The following CCDC148 variants were observed in gnomAD, a reference collection of about 807,000 sequenced individuals.
CCDC148 encodes coiled-coil domain-containing protein 148.
CCDC148 carries 89 observed loss-of-function variants against 85.7 expected under a neutral mutation model. The ratio of observed to expected loss-of-function variants is 1.04; its 90% CI spans 0.87 to 1.24. The LOEUF (loss-of-function observed/expected upper bound fraction) is 1.24. CCDC148 is among the 50% of genes most tolerant of loss of function. The probability of loss-of-function intolerance (pLI) is 0.00; values close to 1 mark genes in which losing one functional copy is unlikely to be tolerated. For missense variants in CCDC148, 692 were observed against 671.7 expected, an observed-to-expected ratio of 1.03 and a Z score of -0.33; for synonymous variants, 230 against 213.9, an observed-to-expected ratio of 1.08 and a Z score of -0.66.
At chr2:158,208,000 C>T (rs1686342749) in intron 11 of CCDC148, among the ~76,000 whole-genome samples, 4 of 151,512 alleles carry the variant, frequency 2.6e-5, no homozygotes, top group Non-Finnish European at 4.4e-5. Flanking sequence ...CTGTTCACTT[C>T]CTTCACCTCC....
At position 158,283,478 on chromosome 2, in the gene CCDC148, C is replaced by T. The variant is rs577825801; in HGVS notation, c.1110+25955G>A. Among the ~76,000 whole-genome samples, 15 of 152,346 alleles carry T rather than the reference C, an allele frequency of 9.8e-5. No homozygotes were observed. The East Asian group carries it at 2.9e-3, about 29-fold the overall frequency. ...AAAGTGGGCAAAGGATATGAATAGACACTTCTCAAAAGAAGACATTTATGC... is the reference window on the plus strand; with the variant it reads ...AAAGTGGGCAAAGGATATGAATAGATACTTCTCAAAAGAAGACATTTATGC... On this transcript the variant is annotated intron_variant, in intron 9 of 13. Transcript: ENST00000283233.
rs368501268 is a variant in CCDC148 at position 158,179,365 on chromosome 2, G to A, written c.1371-369C>T. ...GTAGAGACGGAGTTTCACCATGTTG[G>A]CCAGGATGGTCTCAATCTCCTGACC... On this transcript the variant is annotated intron_variant, in intron 11 of 13. Transcript: ENST00000283233. Among the ~76,000 whole-genome samples, 31 of 151,762 alleles carry A rather than the reference G, an allele frequency of 2.0e-4. 1 individual carries two copies. In the East Asian group the frequency reaches 2.9e-3, roughly 14 times the overall value.
chr2:158,282,528 A>G (rs1302065700), intron 9 of CCDC148, among the ~76,000 whole-genome samples: 1 of 152,218 alleles, frequency 6.6e-6, no homozygotes, highest in African/African-American at 2.4e-5. Context: ...CCCATTCACA[A>G]TTGCTTCAAA....
chr2:158,173,131 T>G (rs1259227013), intron 13 of CCDC148, among the ~76,000 whole-genome samples: 1 of 151,964 alleles, frequency 6.6e-6, no homozygotes, highest in Non-Finnish European at 1.5e-5. Context: ...GGTGGCGGCA[T>G]GCGGATGGTC....
intron 2 of CCDC148, among the ~76,000 whole-genome samples, chr2:158,347,106 G>A (rs1463902131): frequency 2.0e-5 from 3 of 152,030 alleles, no homozygotes; most frequent in Non-Finnish European, 2.9e-5. Context: ...ACACTTTAAC[G>A]TTCACTTTAA....
intron 1 of CCDC148, among the ~76,000 whole-genome samples, chr2:158,377,075 C>CG (rs1684681469): frequency 6.6e-6 from 1 of 151,904 alleles, no homozygotes; most frequent in African/African-American, 2.4e-5. Flanking sequence ...AAGGAGGGGA[C>CG]GATTCTCCAC....
At chr2:158,365,997 G>A (rs1426160976) in intron 1 of CCDC148, 1 of 1,488,220 alleles carries the variant, frequency 6.7e-7, no homozygotes, top group Non-Finnish European at 9.1e-7. Flanking sequence ...AAACAGAGTT[G>A]GAAGTAAGAA....
At chr2:158,279,771 G>A (rs1296702472) in intron 9 of CCDC148, among the ~76,000 whole-genome samples, 1 of 151,876 alleles carries the variant, frequency 6.6e-6, no homozygotes, top group Non-Finnish European at 1.5e-5. Flanking sequence ...AGGAAATACA[G>A]AGAACGCCAC....
At chr2:158,431,871 G>A (rs1186740530) in intron 1 of CCDC148, among the ~76,000 whole-genome samples, 1 of 151,944 alleles carries the variant, frequency 6.6e-6, no homozygotes. Context: ...CTGGGAGATG[G>A]AGGTTGCATG....
At chr2:158,282,908 A>G (rs1690401340) in intron 9 of CCDC148, among the ~76,000 whole-genome samples, 1 of 152,232 alleles carries the variant, frequency 6.6e-6, no homozygotes, top group South Asian at 2.1e-4. Flanking sequence ...CCAAAACAGC[A>G]TGGTACTTGT....
chr2:158,313,622 A>G, intron 8 of CCDC148, 134 bp downstream of exon 8: 1 of 948,006 alleles, frequency 1.1e-6, no homozygotes, highest in Non-Finnish European at 1.5e-6. Flanking sequence ...ACTATTATAT[A>G]ACCCTATTAT....
At chr2:158,304,684 G>T (rs1218366309) in intron 9 of CCDC148, among the ~76,000 whole-genome samples, 1 of 152,132 alleles carries the variant, frequency 6.6e-6, no homozygotes, top group Non-Finnish European at 1.5e-5. Flanking sequence ...TGTTCTCACC[G>T]TAACCAGAAG....
chr2:158,371,691 C>T (rs868114602), intron 1 of CCDC148, among the ~76,000 whole-genome samples: 6 of 149,818 alleles, frequency 4.0e-5, no homozygotes, highest in Non-Finnish European at 7.4e-5. Context: ...TATATACACA[C>T]GTGCCTTTAA....
intron 11 of CCDC148, among the ~76,000 whole-genome samples, chr2:158,210,060 GA>G (rs1325374823): frequency 6.6e-6 from 1 of 152,110 alleles, no homozygotes; most frequent in African/African-American, 2.4e-5. Context: ...CTCTATTCAA[GA>G]GACCCATCTC....
intron 2 of CCDC148, among the ~76,000 whole-genome samples, chr2:158,348,498 C>A (rs1683105003): frequency 1.3e-5 from 2 of 150,840 alleles, no homozygotes; most frequent in Admixed American, 6.6e-5. Context: ...ATCTTTAAGA[C>A]AAAATTTTTG....
chr2:158,382,922 CA>C (rs930004900), intron 1 of CCDC148, among the ~76,000 whole-genome samples: 2 of 147,792 alleles, frequency 1.4e-5, no homozygotes, highest in Non-Finnish European at 3.0e-5. Context: ...CTCCGTCTCA[CA>C]AAAAAAAACC....
intron 1 of CCDC148, among the ~76,000 whole-genome samples, chr2:158,388,981 T>C (rs1179429450): frequency 6.6e-6 from 1 of 152,190 alleles, no homozygotes. Flanking sequence ...TCTGTGATTC[T>C]TAGAGCCTGA....
chr2:158,271,981 C>T (rs183868814), intron 9 of CCDC148, among the ~76,000 whole-genome samples: 39 of 152,282 alleles, frequency 2.6e-4, no homozygotes, highest in Middle Eastern at 3.4e-3. Flanking sequence ...TCCTTTGCTT[C>T]CATGTGACAA....
chr2:158,356,096 C>T (rs1683617128), intron 2 of CCDC148, among the ~76,000 whole-genome samples: 1 of 131,486 alleles, frequency 7.6e-6, no homozygotes, highest in African/African-American at 3.5e-5. Context: ...GGATTAAAGA[C>T]TTAAACGTTA....
Sources: allele counts gnomAD v4.1 joint callset (sites outside exome capture counted in the v4.1 genomes callset), GRCh38; gene constraint gnomAD v4.1.1; transcripts MANE v1.5; gene names NCBI Gene and HGNC (gene_info 2026-07-23, HGNC 2026-07-21).